SFMBT2: variants seen among roughly 807,000 people sequenced by gnomAD.
SFMBT2 encodes the protein scm-like with four MBT domains protein 2.
In SFMBT2, 38 loss-of-function variants were observed where a neutral mutation model predicts 110.1. That is an observed-to-expected ratio of 0.35 (90% CI 0.27 to 0.45). The LOEUF (loss-of-function observed/expected upper bound fraction) is 0.45. Among genes scored for constraint, SFMBT2 ranks in the 20% least tolerant of loss-of-function variants. The pLI, the probability that SFMBT2 is intolerant of heterozygous loss-of-function variation, is 1.00. For synonymous variants in SFMBT2, 425 were observed against 425.4 expected (o/e 1.00, Z 0.01); for missense variants, 1,011 against 1,094.9 (o/e 0.92, Z 1.08).
intron 9 of SFMBT2, among the ~76,000 whole-genome samples, chr10:7,235,577 CCA>C (rs959241193): frequency 6.6e-6 from 1 of 151,402 alleles, no homozygotes; most frequent in Non-Finnish European, 1.5e-5. Flanking sequence ...CAGACACATA[CCA>C]CACAGACGTA....
In SFMBT2 at chr10:7,159,395, T is replaced by C. The variant is rs1837490730; in HGVS notation, c.*4375A>G. The C allele has an allele frequency of 1.3e-5, 2 of 152,200 alleles. No homozygotes were observed. The highest frequency in any genetic ancestry group is 2.1e-4 in the South Asian group (1 of 4,832). The allele number at this position is 152,200 out of a possible 1,614,324, so 9.4% of individuals were successfully genotyped here. ...GGGTATCTGCAAACCATTCTAGTGA[T>C]AGAGCTATGAGAACTGGTCAACTTA... On this transcript the variant is annotated 3_prime_UTR_variant, in exon 21 of 21. Coordinates refer to ENST00000397167, the MANE Select transcript of SFMBT2 (RefSeq NM_001387889.1).
intron 9 of SFMBT2, among the ~76,000 whole-genome samples, chr10:7,234,560 G>C (rs1840200947): frequency 6.6e-6 from 1 of 152,076 alleles, no homozygotes; most frequent in Non-Finnish European, 1.5e-5. Flanking sequence ...AGTATTTTCA[G>C]ATATTAAAAA....
chr10:7,350,306 T>C (rs775560159), intron 4 of SFMBT2, among the ~76,000 whole-genome samples: 20 of 152,226 alleles, frequency 1.3e-4, no homozygotes, highest in East Asian at 5.8e-4. Flanking sequence ...GCAACCTGAA[T>C]TGTCCATCCG....
intron 8 of SFMBT2, among the ~76,000 whole-genome samples, chr10:7,247,070 T>C (rs372291692): frequency 2.6e-5 from 4 of 152,342 alleles, no homozygotes; most frequent in African/African-American, 9.6e-5. Flanking sequence ...AGCCAATATA[T>C]TTTTCTTTAA....
At chr10:7,403,039 A>G (rs1042631939) in intron 1 of SFMBT2, among the ~76,000 whole-genome samples, 4 of 152,224 alleles carry the variant, frequency 2.6e-5, no homozygotes, top group Admixed American at 2.6e-4. Flanking sequence ...CAGAAATTCA[A>G]CACTTTTCAA....
chr10:7,332,860 A>T (rs964572582), intron 4 of SFMBT2, among the ~76,000 whole-genome samples: 2 of 152,150 alleles, frequency 1.3e-5, no homozygotes, highest in South Asian at 4.2e-4. Context: ...TCTAATGGAG[A>T]TGAGGTTTTT....
Position 7,172,589 on chromosome 10 carries a change from G to C in SFMBT2, c.2057C>G (p.Pro686Arg). The C allele has an allele frequency of 6.2e-7, 1 of 1,614,232 alleles. No individual in the cohort carries two copies. Among genetic ancestry groups the C allele is most frequent in the South Asian group, 1.1e-5 (1 of 91,088 alleles). ...IGESNPDSGH[P>R]KPARRRKRRK... ...TCGCTTCCTCCGCCTGGCGGGTTTG[G>C]GGTGTCCGCTGTCGGGGTTGCTTTC... The change falls in exon 18 of 21, where the codon CCC becomes CGC. Residue 686 changes from proline (P) to arginine (R), a missense_variant. Physicochemically the swap from Pro to Arg is moderately radical, Grantham distance 103. Transcript: ENST00000397167. The surrounding 1 kb of genome is among the most constrained non-coding windows in gnomAD (Gnocchi z 4.6).
At chr10:7,315,828 G>A (rs1842994858) in intron 4 of SFMBT2, among the ~76,000 whole-genome samples, 1 of 152,206 alleles carries the variant, frequency 6.6e-6, no homozygotes, top group African/African-American at 2.4e-5. Flanking sequence ...GACAAGAACA[G>A]TCCCCACCTC....
intron 11 of SFMBT2, among the ~76,000 whole-genome samples, chr10:7,211,653 C>T (rs2060624452): frequency 6.6e-6 from 1 of 152,166 alleles, no homozygotes; most frequent in Non-Finnish European, 1.5e-5. Flanking sequence ...TTGCTGTATT[C>T]TCATCTGCTG....
At chr10:7,240,488 A>G (rs1163530162) in intron 9 of SFMBT2, among the ~76,000 whole-genome samples, 1 of 152,240 alleles carries the variant, frequency 6.6e-6, no homozygotes, top group East Asian at 1.9e-4. Context: ...ACTTTTATGC[A>G]GATGATCTCT....
intron 13 of SFMBT2, chr10:7,200,791 C>A (rs1257040963): frequency 6.4e-6 from 1 of 156,598 alleles, no homozygotes; most frequent in South Asian, 2.0e-4. Flanking sequence ...AATTGTAATA[C>A]TGCCTTCAAT....
intron 7 of SFMBT2, among the ~76,000 whole-genome samples, chr10:7,267,504 G>A (rs998276535): frequency 2.0e-5 from 3 of 152,150 alleles, no homozygotes; most frequent in Non-Finnish European, 2.9e-5. Flanking sequence ...CTGAAGTGCA[G>A]TAGCAAGATC....
intron 2 of SFMBT2, among the ~76,000 whole-genome samples, chr10:7,371,192 C>T (rs553736754): frequency 1.3e-3 from 191 of 152,246 alleles, no homozygotes; most frequent in East Asian, 4.6e-3. Flanking sequence ...GGTGCAATCT[C>T]GGCTCACTAC....
At chr10:7,177,724 C>T (rs188162390) in intron 16 of SFMBT2, among the ~76,000 whole-genome samples, 1 of 152,066 alleles carries the variant, frequency 6.6e-6, no homozygotes, top group Admixed American at 6.5e-5. Context: ...AAACTATGGG[C>T]ACGGTGGGGC....
At chr10:7,299,617 G>A (rs762664240) in intron 4 of SFMBT2, among the ~76,000 whole-genome samples, 1 of 152,162 alleles carries the variant, frequency 6.6e-6, no homozygotes, top group Non-Finnish European at 1.5e-5. Context: ...AAACAGGAAC[G>A]CTTTTACGCT....
intron 4 of SFMBT2, among the ~76,000 whole-genome samples, chr10:7,290,261 CAA>C (rs200965592): frequency 0.01 from 1,130 of 110,878 alleles, 16 homozygotes; most frequent in African/African-American, 0.032. Flanking sequence ...TCATAAGAAA[CAA>C]AAAAAAAAAA....
chr10:7,380,834 G>C (rs935138136), intron 2 of SFMBT2, among the ~76,000 whole-genome samples: 1 of 152,108 alleles, frequency 6.6e-6, no homozygotes, highest in Non-Finnish European at 1.5e-5. Context: ...AGGATCACTT[G>C]AGCCTAGTAG....
chr10:7,239,840 G>A (rs190946116), intron 9 of SFMBT2, among the ~76,000 whole-genome samples: 3 of 152,062 alleles, frequency 2.0e-5, no homozygotes, highest in East Asian at 1.9e-4. Context: ...GTGTGGATAC[G>A]GTTGTGTAGA....
At chr10:7,227,517 C>T (rs1839929479) in intron 10 of SFMBT2, among the ~76,000 whole-genome samples, 1 of 152,228 alleles carries the variant, frequency 6.6e-6, no homozygotes, top group Admixed American at 6.5e-5. Context: ...ACCTTCTCCT[C>T]TATTTCTTTC....
Sources: gnomAD v4.1 joint callset for allele counts (sites outside exome capture counted in the v4.1 genomes callset) on GRCh38, gnomAD v4.1.1 for gene constraint, Gnocchi (gnomAD v3.1) non-coding constraint, MANE v1.5 for transcripts, NCBI Gene and HGNC (gene_info 2026-07-23, HGNC 2026-07-21) for gene names.